SCN3A: variants seen among roughly 807,000 people sequenced by gnomAD.
SCN3A encodes sodium channel protein type 3 subunit alpha.
Under a neutral mutation model 187.6 loss-of-function variants are expected in SCN3A, and 60 were observed. The ratio of observed to expected loss-of-function variants is 0.32; its 90% confidence interval spans 0.26 to 0.40. The LOEUF (loss-of-function observed/expected upper bound fraction) is 0.40. Ranked by LOEUF, SCN3A falls within the 10% of genes least tolerant of loss-of-function variation. The probability of loss-of-function intolerance (pLI) is 1.00; values close to 1 mark genes in which losing one functional copy is unlikely to be tolerated. For missense variants in SCN3A, 1,601 were observed against 2,428.2 expected (o/e 0.66, Z 7.16); for synonymous variants, 788 against 829.2 (o/e 0.95, Z 0.85).
At chr2:165,139,366 A>C in intron 14 of SCN3A, 110 bp downstream of exon 14, 10 of 1,421,594 alleles carry the variant, frequency 7.0e-6, no homozygotes, top group Non-Finnish European at 8.9e-6. Flanking sequence ...CTTAGGTCTA[A>C]TATATAGTTT....
intron 10 of SCN3A, 63 bp from the exon 11 acceptor site, chr2:165,154,721 A>ATAT: frequency 1.4e-6 from 2 of 1,455,360 alleles, no homozygotes; most frequent in Non-Finnish European, 1.9e-6. Flanking sequence ...TAAATATCTG[A>ATAT]TTACCACAGT....
chr2:165,096,488 A>G lies in SCN3A; in HGVS notation c.4272T>C (p.Tyr1424=), dbSNP rs543555268. 3.1e-6 allele frequency: 5 copies of G among 1,611,782 alleles called. No individual in the cohort carries two copies. The African/African-American group carries it at 4.0e-5, about 13-fold the overall frequency. The change falls in exon 24 of 28, where the codon TAT becomes TAC. Residue 1424 remains tyrosine, a synonymous_variant. Transcript: ENST00000283254. ...TTACATCTCGTGAATCAACAGCTGC[A>G]TACATAATATCCATCCAGCCTTTAA... ...ATFKGWMDIM[Y]AAVDSRDVKL... is the part of the protein sequence containing the mutation.
intron 21 of SCN3A, among the ~76,000 whole-genome samples, chr2:165,101,579 G>A (rs997070543): frequency 6.6e-6 from 1 of 152,052 alleles, no homozygotes; most frequent in African/African-American, 2.4e-5. Context: ...GAATCATAGG[G>A]CACTGAAAAT....
chr2:165,146,005 A>T (rs1432507215), intron 12 of SCN3A, among the ~76,000 whole-genome samples: 1 of 152,096 alleles, frequency 6.6e-6, no homozygotes, highest in African/African-American at 2.4e-5. Context: ...ACTAGTTTTT[A>T]CTCTTTTACT....
At chr2:165,202,497 T>C (rs1430267605) in intron 1 of SCN3A, among the ~76,000 whole-genome samples, 1 of 152,062 alleles carries the variant, frequency 6.6e-6, no homozygotes, top group Non-Finnish European at 1.5e-5. Flanking sequence ...TAGTTTTCTT[T>C]ATCTCCTATG....
intron 22 of SCN3A, among the ~76,000 whole-genome samples, chr2:165,099,444 C>T (rs1462515321): frequency 6.6e-6 from 1 of 152,132 alleles, no homozygotes; most frequent in African/African-American, 2.4e-5. Context: ...CTGGGCTGGG[C>T]GCAGTGGTTC....
Position 165,162,597 on chromosome 2 carries a change from G to T in SCN3A, c.926C>A (p.Thr309Lys). 1 of 1,614,048 alleles carries T rather than the reference G, an allele frequency of 6.2e-7. No homozygotes were observed. Among genetic ancestry groups the T allele is most frequent in the Non-Finnish European group, 8.5e-7 (1 of 1,179,974 alleles). Residue 309 changes from threonine to lysine, a missense_variant, in exon 8 of 28, where the codon ACA becomes AAA. Around this residue, in one of 11 missense-constraint regions of SCN3A, gnomAD observed 104 missense variants for 102.7 expected, o/e 1.01. Transcript: ENST00000283254. Reference protein sequence around the residue: ...MDSNGTFVNVTMSTFNWKDYI... With the variant: ...MDSNGTFVNVKMSTFNWKDYI... ...ATCCTTCCAGTTAAATGTGCTCATT[G>T]TTACATTAACAAATGTCCCATTTGA...
chr2:165,135,225 CAA>C, intron 15 of SCN3A, among the ~76,000 whole-genome samples: 1 of 152,008 alleles, frequency 6.6e-6, no homozygotes, highest in East Asian at 1.9e-4. Flanking sequence ...GATTAAAAAA[CAA>C]AACAAAACAA....
chr2:165,110,086 C>G (rs553471061), intron 21 of SCN3A, among the ~76,000 whole-genome samples: 17 of 152,146 alleles, frequency 1.1e-4, no homozygotes, highest in Non-Finnish European at 2.4e-4. Flanking sequence ...GCCCTCCCTC[C>G]GCTTCCCCAA....
At chr2:165,194,503 T>G (rs1278170532) in intron 1 of SCN3A, among the ~76,000 whole-genome samples, 2 of 152,114 alleles carry the variant, frequency 1.3e-5, no homozygotes, top group Non-Finnish European at 2.9e-5. Context: ...TAGAAGACTT[T>G]AGTGAACTAG....
Position 165,137,974 on chromosome 2 carries a change from T to C in SCN3A, c.2296A>G (p.Ile766Val). 6.2e-7 allele frequency: 1 copy of C among 1,613,548 alleles called. No homozygotes were observed. Among genetic ancestry groups the C allele is most frequent in the Non-Finnish European group, 8.5e-7 (1 of 1,179,590 alleles). ...IVMDPFVDLA[I>V]TICIVLNTLF... The stretch of plus-strand genomic sequence containing the variant: ...GTATTTAAGACAATGCAAATAGTGA[T>C]GGCAAGATCAACAAATGGATCCATA... The change falls in exon 15 of 28, where the codon ATC becomes GTC. Residue 766 changes from isoleucine (I) to valine (V), a missense_variant. Ile to Val is a conservative substitution (Grantham distance 29). Transcript: ENST00000283254.
intron 9 of SCN3A, among the ~76,000 whole-genome samples, chr2:165,161,057 G>A (rs1177993360): frequency 6.6e-6 from 1 of 151,062 alleles, no homozygotes; most frequent in Non-Finnish European, 1.5e-5. Context: ...TGAGAAGTTA[G>A]GACTACACGT....
intron 16 of SCN3A, among the ~76,000 whole-genome samples, chr2:165,130,888 A>G (rs1687274386): frequency 6.6e-6 from 1 of 152,104 alleles, no homozygotes; most frequent in Non-Finnish European, 1.5e-5. Flanking sequence ...AACAGTCCCC[A>G]TTCCTAGAAG....
At chr2:165,136,490 G>A (rs1318710508) in intron 15 of SCN3A, among the ~76,000 whole-genome samples, 2 of 152,128 alleles carry the variant, frequency 1.3e-5, no homozygotes, top group African/African-American at 2.4e-5. Context: ...AACTCTGCAC[G>A]AAGGGTATTA....
intron 12 of SCN3A, among the ~76,000 whole-genome samples, chr2:165,144,155 G>C (rs1688188407): frequency 6.6e-6 from 1 of 152,058 alleles, no homozygotes; most frequent in South Asian, 2.1e-4. Context: ...TACGCTTCCT[G>C]TCCCCACCAC....
intron 21 of SCN3A, among the ~76,000 whole-genome samples, chr2:165,107,076 G>T (rs978269813): frequency 9.9e-5 from 15 of 152,100 alleles, no homozygotes; most frequent in African/African-American, 3.6e-4. Context: ...TAGGGAATTT[G>T]GAAGAAATGC....
At chr2:165,132,628 A>G (rs1422591434) in intron 15 of SCN3A, among the ~76,000 whole-genome samples, 1 of 152,220 alleles carries the variant, frequency 6.6e-6, no homozygotes, top group African/African-American at 2.4e-5. Context: ...ACAAAAATTA[A>G]TTCAAGATGG....
Position 165,156,428 on chromosome 2 carries a change from G to A in SCN3A, c.1032-525C>T, listed in dbSNP as rs1166463631. ...CTCGGGAGGCTGAGGCAGGAGAATG[G>A]CGTGAACCCGGGAGGTGGAGCTTGC... On this transcript the variant is annotated intron_variant, in intron 9 of 27. Transcript: ENST00000283254. Among the ~76,000 whole-genome samples, 4 of 147,690 alleles carry A rather than the reference G, an allele frequency of 2.7e-5. No individual in the cohort carries two copies. In the East Asian group the frequency reaches 6.1e-4, roughly 22 times the overall value.
intron 21 of SCN3A, among the ~76,000 whole-genome samples, chr2:165,109,934 T>C (rs1686038825): frequency 6.6e-6 from 1 of 152,100 alleles, no homozygotes. Context: ...TTTCTTTCTA[T>C]CTCTTTTATC....
Sources: allele counts gnomAD v4.1 joint callset (sites outside exome capture counted in the v4.1 genomes callset), GRCh38; gene constraint gnomAD v4.1.1; regional missense constraint gnomAD v4.1.1; transcripts MANE v1.5; gene names NCBI Gene and HGNC (gene_info 2026-07-23, HGNC 2026-07-21).